GRAMD1B: variants seen among roughly 807,000 people sequenced by gnomAD.
GRAMD1B encodes protein Aster-B.
Under a neutral mutation model 99.7 loss-of-function variants are expected in GRAMD1B, and 37 were observed. The ratio of observed to expected loss-of-function variants is 0.37; its 90% confidence interval spans 0.29 to 0.49. The LOEUF (loss-of-function observed/expected upper bound fraction) is 0.49, where lower values mean the gene tolerates loss of function less well. Among genes scored for constraint, GRAMD1B ranks in the 20% least tolerant of loss-of-function variants. The pLI is 0.98. For synonymous variants in GRAMD1B, 427 were observed against 387.6 expected, an observed-to-expected ratio of 1.10 and a Z score of -1.19; for missense variants, 888 against 1,009.2, an observed-to-expected ratio of 0.88 and a Z score of 1.63.
intron 19 of GRAMD1B, among the ~76,000 whole-genome samples, chr11:123,620,801 T>A (rs992085248): frequency 2.0e-5 from 3 of 152,200 alleles, no homozygotes; most frequent in African/African-American, 7.2e-5. Context: ...GTAATTTTTC[T>A]TCATCATCAA....
At chr11:123,428,744 C>T (rs532279642), upstream of GRAMD1B, among the ~76,000 whole-genome samples, 17 of 152,162 alleles carry the variant, frequency 1.1e-4, no homozygotes, top group Non-Finnish European at 1.6e-4. Flanking sequence ...TCCTCAGCTT[C>T]GGGACACTTG....
chr11:123,612,460 A>T (rs1156827750), intron 14 of GRAMD1B, among the ~76,000 whole-genome samples: 1 of 152,156 alleles, frequency 6.6e-6, no homozygotes, highest in Non-Finnish European at 1.5e-5. Context: ...GCTGGGCCCT[A>T]TGTGAGACCC....
chr11:123,428,580 G>A (rs1289133122), upstream of GRAMD1B, among the ~76,000 whole-genome samples: 2 of 152,224 alleles, frequency 1.3e-5, no homozygotes, highest in African/African-American at 2.4e-5. Flanking sequence ...CAAAAGTTGT[G>A]TAATGTCAGG....
chr11:123,484,811 C>G (rs1385220622), intron 2 of GRAMD1B, among the ~76,000 whole-genome samples: 1 of 152,186 alleles, frequency 6.6e-6, no homozygotes, highest in Non-Finnish European at 1.5e-5. Context: ...AAATTAGTCT[C>G]CCAGGCTCAG....
At chr11:123,493,990 A>AT in intron 2 of GRAMD1B, among the ~76,000 whole-genome samples, 1 of 152,156 alleles carries the variant, frequency 6.6e-6, no homozygotes, top group South Asian at 2.1e-4. Flanking sequence ...TAAATGGCTT[A>AT]TTTTCCATTT....
chr11:123,609,681 T>C, intron 12 of GRAMD1B, 114 bp from the exon 13 acceptor site: 4 of 644,238 alleles, frequency 6.2e-6, no homozygotes, highest in Non-Finnish European at 1.1e-5. Context: ...TGGCTTCCTT[T>C]TGGGGGCCAG....
Position 123,619,102 on chromosome 11 carries a change from C to G in GRAMD1B, c.2427-5C>G, listed in dbSNP as rs900717797. 2.0e-6 allele frequency: 3 copies of G among 1,505,266 alleles called. No individual in the cohort carries two copies. Among genetic ancestry groups the G allele is most frequent in the African/African-American group, 1.4e-5 (1 of 72,202 alleles). The allele number at this position is 1,505,266 out of a possible 1,614,324, so 93.2% of individuals were successfully genotyped here. The stretch of plus-strand genomic sequence containing the variant: ...TGCTGGGGTACCCCTTCTTCTACCC[C>G]ACAGGTTACCCCAGTCTCAGACAGA... On this transcript the variant is annotated splice_region_variant and splice_polypyrimidine_tract_variant and intron_variant, in intron 18 of 19. Transcript: ENST00000635736.
At chr11:123,580,827 G>A (rs1350656474) in intron 3 of GRAMD1B, among the ~76,000 whole-genome samples, 1 of 151,700 alleles carries the variant, frequency 6.6e-6, no homozygotes, top group African/African-American at 2.4e-5. Context: ...GCCTCCTCCC[G>A]CCCTGCTGCA....
At chr11:123,568,546 C>T (rs1001876150) in intron 2 of GRAMD1B, among the ~76,000 whole-genome samples, 3 of 152,170 alleles carry the variant, frequency 2.0e-5, no homozygotes, top group Admixed American at 2.0e-4. Flanking sequence ...AAGATGTTGC[C>T]CTTGCAGCGG....
chr11:123,485,715 CTTTT>C (rs373956363), intron 2 of GRAMD1B, among the ~76,000 whole-genome samples: 45 of 132,426 alleles, frequency 3.4e-4, no homozygotes, highest in Admixed American at 5.3e-4. Context: ...TTAATTCATT[CTTTT>C]TTTTTTTTTT....
chr11:123,608,620 G>A (rs772137673), intron 11 of GRAMD1B, 39 bp from the exon 12 acceptor site: 48 of 1,566,440 alleles, frequency 3.1e-5, no homozygotes, highest in Middle Eastern at 1.7e-4. Context: ...CTCCCCCTCC[G>A]CTGTCACTGT....
At chr11:123,455,049 A>G (rs1321548448) in intron 1 of GRAMD1B, among the ~76,000 whole-genome samples, 2 of 152,204 alleles carry the variant, frequency 1.3e-5, no homozygotes, top group Admixed American at 6.5e-5. Context: ...TTTTATCCCC[A>G]TCAACATCAA....
rs76131639 is a variant in GRAMD1B, at chr11:123,389,689, A to G, written c.-176+30890A>G. Among the ~76,000 whole-genome samples the G allele has an allele frequency of 6.4e-4, 98 of 152,302 alleles. 2 individuals are homozygous for G. The East Asian group carries it at 0.017, about 27-fold the overall frequency. On this transcript the variant is annotated intron_variant, in intron 1 of 20. Coordinates refer to the GRAMD1B transcript ENST00000638157. ...CACCATACTAACGTGAGATGTTAATAATAGAAGAAACCGGGTGTGGAGTCT... is the reference window on the plus strand; with the variant it reads ...CACCATACTAACGTGAGATGTTAATGATAGAAGAAACCGGGTGTGGAGTCT...
intron 7 of GRAMD1B, among the ~76,000 whole-genome samples, chr11:123,597,095 T>C (rs1951360967): frequency 6.6e-6 from 1 of 151,660 alleles, no homozygotes; most frequent in South Asian, 2.1e-4. Flanking sequence ...CCATTGTATG[T>C]TGGGCTGCAG....
upstream of GRAMD1B, among the ~76,000 whole-genome samples, chr11:123,427,469 T>C (rs1948696301): frequency 6.6e-6 from 1 of 152,220 alleles, no homozygotes; most frequent in Admixed American, 6.5e-5. Flanking sequence ...CACAGGATAC[T>C]GGAGAGAATT....
intron 1 of GRAMD1B, among the ~76,000 whole-genome samples, chr11:123,397,172 G>A (rs1303155356): frequency 6.6e-6 from 1 of 152,198 alleles, no homozygotes; most frequent in Non-Finnish European, 1.5e-5. Flanking sequence ...GGGAGGCAGA[G>A]GCGGGAGGAT....
intron 1 of GRAMD1B, among the ~76,000 whole-genome samples, chr11:123,399,243 G>A (rs948973891): frequency 8.5e-5 from 13 of 152,298 alleles, no homozygotes; most frequent in Admixed American, 7.8e-4. Context: ...GTTCATCCAT[G>A]TTGTCCCAAG....
chr11:123,596,997 G>A lies in GRAMD1B; in HGVS notation c.969+960G>A, dbSNP rs552994426. Reference sequence around the variant, plus strand: ...ATATTAGCTACTTTTACAGTCATAGGGATCTTGTAGAAGAAACAGGTAGAC... The same window carrying A: ...ATATTAGCTACTTTTACAGTCATAGAGATCTTGTAGAAGAAACAGGTAGAC... On this transcript the variant is annotated intron_variant, in intron 7 of 19. Transcript: ENST00000635736. Among the ~76,000 whole-genome samples the A allele has an allele frequency of 1.1e-4, 16 of 152,236 alleles. No homozygotes were observed. The South Asian group carries it at 3.3e-3, about 32-fold the overall frequency.
At chr11:123,419,931 C>T (rs903399851) in intron 1 of GRAMD1B, among the ~76,000 whole-genome samples, 1 of 151,954 alleles carries the variant, frequency 6.6e-6, no homozygotes, top group African/African-American at 2.4e-5. Flanking sequence ...TGTCCTTGTT[C>T]CAAGGTCCAA....
Sources: allele counts gnomAD v4.1 joint callset (sites outside exome capture counted in the v4.1 genomes callset), GRCh38; gene constraint gnomAD v4.1.1; transcripts MANE v1.5; gene names NCBI Gene and HGNC (gene_info 2026-07-23, HGNC 2026-07-21).